The following KCNAB1 variants were observed in gnomAD, a reference collection of about 807,000 sequenced individuals.
The protein encoded by KCNAB1 is potassium voltage-gated channel subfamily A regulatory beta subunit 1.
Under a neutral mutation model 64.6 loss-of-function variants are expected in KCNAB1, and 35 were observed. The observed-to-expected ratio is 0.54, with a 90% CI of 0.41 to 0.72. The LOEUF (loss-of-function observed/expected upper bound fraction) is 0.72, where lower values mean the gene tolerates loss of function less well. Ranked by LOEUF, KCNAB1 falls within the 30% of genes least tolerant of loss-of-function variation. KCNAB1 has a pLI of 0.00. For synonymous variants in KCNAB1, 177 were observed against 183.8 expected (o/e 0.96, Z 0.30); for missense variants, 401 against 512.9 (o/e 0.78, Z 2.11).
At chr3:156,355,609 T>C (rs1725179282) in intron 1 of KCNAB1, among the ~76,000 whole-genome samples, 1 of 152,222 alleles carries the variant, frequency 6.6e-6, no homozygotes, top group South Asian at 2.1e-4. Flanking sequence ...ACTCAAAAGT[T>C]AGAATTGTTT....
chr3:156,179,234 A>G (rs1399400847), intron 1 of KCNAB1, among the ~76,000 whole-genome samples: 1 of 152,074 alleles, frequency 6.6e-6, no homozygotes, highest in African/African-American at 2.4e-5. Context: ...CAAAATAGTA[A>G]AGATTTAAGA....
At chr3:156,415,203 T>G (rs73019945) in intron 1 of KCNAB1, among the ~76,000 whole-genome samples, 2,689 of 152,248 alleles carry the variant, frequency 0.018, 86 homozygotes, top group African/African-American at 0.062. Flanking sequence ...TTTGTACCCA[T>G]ACCAGAACCA....
Position 156,252,759 on chromosome 3 carries a change from G to C in KCNAB1, c.275+131873G>C, listed in dbSNP as rs144359385. 2.7e-3 allele frequency among the ~76,000 whole-genome samples: 408 copies of C among 152,262 alleles called. 1 individual carries two copies. The highest frequency in any genetic ancestry group is 9.4e-3 in the African/African-American group (390 of 41,530). The stretch of plus-strand genomic sequence containing the variant: ...CTAATCCCCAAAGCACTCAGGACAG[G>C]CTTTCTTCTCAGTGCAGGAGCTTAC... On this transcript the variant is annotated intron_variant, in intron 1 of 13. Transcript: ENST00000490337.
intron 1 of KCNAB1, among the ~76,000 whole-genome samples, chr3:156,283,265 C>T (rs1273491016): frequency 6.6e-6 from 1 of 151,164 alleles, no homozygotes; most frequent in Admixed American, 6.6e-5. Context: ...GTTGAAAATT[C>T]TTTTCTTTAA....
intron 1 of KCNAB1, among the ~76,000 whole-genome samples, chr3:156,232,549 T>G (rs1289498657): frequency 6.6e-6 from 1 of 152,230 alleles, no homozygotes; most frequent in Non-Finnish European, 1.5e-5. Flanking sequence ...GGCAAGGATA[T>G]GGCCAGAACT....
At chr3:156,212,189 G>A (rs1440991485) in intron 1 of KCNAB1, among the ~76,000 whole-genome samples, 2 of 152,186 alleles carry the variant, frequency 1.3e-5, no homozygotes, top group African/African-American at 2.4e-5. Context: ...AGAAAGAACA[G>A]AGGCTGTGTG....
intron 1 of KCNAB1, among the ~76,000 whole-genome samples, chr3:156,231,974 T>C (rs541961047): frequency 1.3e-4 from 20 of 152,340 alleles, no homozygotes; most frequent in Admixed American, 2.6e-4. Context: ...GTCATTCATA[T>C]TTGGCTCAGA....
intron 1 of KCNAB1, among the ~76,000 whole-genome samples, chr3:156,350,018 T>G (rs1377177103): frequency 6.6e-6 from 1 of 152,224 alleles, no homozygotes; most frequent in East Asian, 1.9e-4. Context: ...TTGTTCATCT[T>G]TTTTCCAACT....
intron 1 of KCNAB1, chr3:156,291,903 A>G: frequency 6.2e-7 from 1 of 1,614,062 alleles, no homozygotes; most frequent in Non-Finnish European, 8.5e-7. Flanking sequence ...CTGCCTGGGG[A>G]AGCAATGCAA....
chr3:156,491,147 G>C (rs1239203029), intron 8 of KCNAB1, among the ~76,000 whole-genome samples: 2 of 152,020 alleles, frequency 1.3e-5, no homozygotes, highest in Non-Finnish European at 2.9e-5. Context: ...CAAGCTGCTG[G>C]AAAATATGTT....
chr3:156,457,173 G>C (rs1002652284), intron 3 of KCNAB1: 2 of 1,193,738 alleles, frequency 1.7e-6, no homozygotes, highest in Non-Finnish European at 2.1e-6. Context: ...TGTCAAACCA[G>C]CTCTTCCCAG....
At chr3:156,270,281 A>G (rs902958848) in intron 1 of KCNAB1, among the ~76,000 whole-genome samples, 3 of 152,002 alleles carry the variant, frequency 2.0e-5, no homozygotes, top group African/African-American at 7.2e-5. Flanking sequence ...CATTTACACT[A>G]AATGTTATTA....
intron 1 of KCNAB1, among the ~76,000 whole-genome samples, chr3:156,386,709 T>C (rs1712620977): frequency 6.6e-6 from 1 of 152,194 alleles, no homozygotes; most frequent in Non-Finnish European, 1.5e-5. Flanking sequence ...AATTTACTTA[T>C]TAGACACAGG....
At chr3:156,332,899 C>T (rs984662456) in intron 1 of KCNAB1, among the ~76,000 whole-genome samples, 1 of 152,152 alleles carries the variant, frequency 6.6e-6, no homozygotes, top group Non-Finnish European at 1.5e-5. Context: ...GTTTCCACAA[C>T]CAAGTTTATT....
At chr3:156,422,987 G>C (rs1715567084) in intron 2 of KCNAB1, among the ~76,000 whole-genome samples, 1 of 152,210 alleles carries the variant, frequency 6.6e-6, no homozygotes, top group Non-Finnish European at 1.5e-5. Flanking sequence ...CATCAAGCAA[G>C]ATGGGGACCA....
chr3:156,402,906 TA>T (rs1215294505), intron 1 of KCNAB1, among the ~76,000 whole-genome samples: 1 of 152,230 alleles, frequency 6.6e-6, no homozygotes, highest in East Asian at 1.9e-4. Flanking sequence ...AGAATTCTAC[TA>T]AAATAGTCTA....
At chr3:156,412,647 T>G (rs1714749846) in intron 1 of KCNAB1, among the ~76,000 whole-genome samples, 1 of 152,186 alleles carries the variant, frequency 6.6e-6, no homozygotes. Context: ...TGAATAATAG[T>G]GGCTACATAA....
chr3:156,277,114 CAG>C (rs1004389385), intron 1 of KCNAB1, among the ~76,000 whole-genome samples: 2 of 152,026 alleles, frequency 1.3e-5, no homozygotes, highest in African/African-American at 4.8e-5. Context: ...TGTTGTATCT[CAG>C]GGAATAGAAA....
At chr3:156,422,261 T>C (rs1196823455) in intron 2 of KCNAB1, among the ~76,000 whole-genome samples, 1 of 152,226 alleles carries the variant, frequency 6.6e-6, no homozygotes, top group Admixed American at 6.5e-5. Flanking sequence ...GGAATCTGAC[T>C]GTGAGACTTG....
Sources: allele counts gnomAD v4.1 joint callset (sites outside exome capture counted in the v4.1 genomes callset), GRCh38; gene constraint gnomAD v4.1.1; transcripts MANE v1.5; gene names NCBI Gene and HGNC (gene_info 2026-07-23, HGNC 2026-07-21).